The following ZFHX3 variants were observed in gnomAD, a reference collection of about 807,000 sequenced individuals.
ZFHX3 encodes the protein zinc finger homeobox protein 3.
Under a neutral mutation model 279.1 loss-of-function variants are expected in ZFHX3, and 42 were observed. The ratio of observed to expected loss-of-function variants is 0.15; its 90% CI spans 0.12 to 0.19. The LOEUF (loss-of-function observed/expected upper bound fraction) is 0.19. Among genes scored for constraint, ZFHX3 ranks in the 10% least tolerant of loss-of-function variants. The pLI, the probability that ZFHX3 is intolerant of heterozygous loss-of-function variation, is 1.00. For synonymous variants in ZFHX3, 2,293 were observed against 1,957.8 expected (o/e 1.17, Z -4.52); for missense variants, 4,981 against 4,754.0 (o/e 1.05, Z -1.40).
At chr16:73,439,405 T>G (rs186332193) in intron 3 of ZFHX3, among the ~76,000 whole-genome samples, 2 of 152,034 alleles carry the variant, frequency 1.3e-5, no homozygotes, top group African/African-American at 4.8e-5. Flanking sequence ...CATCTTGAGA[T>G]GAAGTGCGCG....
chr16:73,780,110 AATTTTTTTTTTTTT>A, intron 1 of ZFHX3, among the ~76,000 whole-genome samples: 1 of 44,744 alleles, frequency 2.2e-5, no homozygotes, highest in African/African-American at 4.9e-5. Flanking sequence ...ACTGCATTTG[AATTTTTTTTTTTTT>A]TTTTTTTTTT....
At chr16:73,475,297 A>T (rs898197904) in intron 2 of ZFHX3, among the ~76,000 whole-genome samples, 2 of 152,252 alleles carry the variant, frequency 1.3e-5, no homozygotes, top group African/African-American at 4.8e-5. Context: ...AGTTTCAAAA[A>T]TAAAATTCCT....
chr16:72,835,348 G>T lies in ZFHX3; in HGVS notation c.3449-5489C>A, dbSNP rs568606995. 2.8e-4 allele frequency among the ~76,000 whole-genome samples: 43 copies of T among 152,034 alleles called. No individual in the cohort carries two copies. In the South Asian group the frequency reaches 6.7e-3, roughly 24 times the overall value. On this transcript the variant is annotated intron_variant, in intron 4 of 9. Coordinates refer to ENST00000268489, the MANE Select transcript of ZFHX3 (RefSeq NM_006885.4). The stretch of plus-strand genomic sequence containing the variant: ...CTTTCCATTATAATGGAAATATCAG[G>T]CCTGTTCTGAATATGTATAACCCAG...
At chr16:73,557,754 C>T (rs2020309408) in intron 2 of ZFHX3, among the ~76,000 whole-genome samples, 1 of 152,130 alleles carries the variant, frequency 6.6e-6, no homozygotes, top group Admixed American at 6.5e-5. Flanking sequence ...TGCCGACCTC[C>T]TATCTCATCC....
At chr16:73,672,939 A>C (rs1173717026) in intron 2 of ZFHX3, among the ~76,000 whole-genome samples, 3 of 152,280 alleles carry the variant, frequency 2.0e-5, no homozygotes, top group African/African-American at 7.2e-5. Flanking sequence ...ATTTACTCAA[A>C]GGCCTATTAT....
chr16:73,149,230 G>C (rs576890086), intron 5 of ZFHX3, among the ~76,000 whole-genome samples: 1 of 140,256 alleles, frequency 7.1e-6, no homozygotes, highest in South Asian at 2.3e-4. Context: ...TATTCATATT[G>C]TCATTACTAT....
chr16:73,538,083 G>C (rs926908816), intron 2 of ZFHX3, among the ~76,000 whole-genome samples: 1 of 152,164 alleles, frequency 6.6e-6, no homozygotes, highest in African/African-American at 2.4e-5. Context: ...GAATGTCCAA[G>C]TGATCATATA....
chr16:73,510,831 T>C (rs1170348944), intron 2 of ZFHX3, among the ~76,000 whole-genome samples: 2 of 152,204 alleles, frequency 1.3e-5, no homozygotes, highest in Non-Finnish European at 2.9e-5. Context: ...GTCCACACCT[T>C]AGGGTAACAA....
chr16:73,788,653 A>G (rs889677952), intron 1 of ZFHX3, among the ~76,000 whole-genome samples: 1 of 152,062 alleles, frequency 6.6e-6, no homozygotes. Flanking sequence ...AAGAAATCAC[A>G]CAAATCATAA....
intron 5 of ZFHX3, among the ~76,000 whole-genome samples, chr16:73,226,973 C>T (rs1174486559): frequency 2.0e-5 from 3 of 151,974 alleles, no homozygotes; most frequent in East Asian, 1.9e-4. Flanking sequence ...TTGAATTTAC[C>T]GATATTTTAT....
intron 2 of ZFHX3, among the ~76,000 whole-genome samples, chr16:73,461,401 A>C (rs2018467987): frequency 6.6e-6 from 1 of 152,012 alleles, no homozygotes; most frequent in Non-Finnish European, 1.5e-5. Flanking sequence ...AAAGTTTTTA[A>C]ATTTTTTGGA....
intron 3 of ZFHX3, among the ~76,000 whole-genome samples, chr16:73,408,109 G>GTT (rs397718193): frequency 9.9e-4 from 141 of 141,794 alleles, no homozygotes; most frequent in Middle Eastern, 3.6e-3. Context: ...TGTGAAACTT[G>GTT]TTTTTTTTTT....
chr16:73,805,506 G>C (rs1273585863), intron 1 of ZFHX3, among the ~76,000 whole-genome samples: 2 of 152,210 alleles, frequency 1.3e-5, no homozygotes, highest in Middle Eastern at 6.8e-3. Flanking sequence ...TTTCCATCAA[G>C]ACTGCCACCT....
At chr16:73,033,404 G>A (rs962455922) in intron 1 of ZFHX3, among the ~76,000 whole-genome samples, 5 of 152,006 alleles carry the variant, frequency 3.3e-5, no homozygotes, top group Non-Finnish European at 7.4e-5. Context: ...CAGCTCCCCC[G>A]CCGCCCCCCA....
intron 3 of ZFHX3, among the ~76,000 whole-genome samples, chr16:72,939,987 C>T (rs541329877): frequency 6.6e-6 from 1 of 152,140 alleles, no homozygotes; most frequent in Non-Finnish European, 1.5e-5. Context: ...GTTGCCCAGG[C>T]TGGTCTTGAA....
intron 1 of ZFHX3, among the ~76,000 whole-genome samples, chr16:73,709,346 CAG>C (rs59857152): frequency 0.078 from 11,306 of 145,080 alleles, 478 homozygotes; most frequent in African/African-American, 0.12. Context: ...GGCTGTGTGA[CAG>C]AGAGAGAGAG....
chr16:73,364,598 G>A (rs1009637397), intron 3 of ZFHX3, among the ~76,000 whole-genome samples: 4 of 152,102 alleles, frequency 2.6e-5, no homozygotes, highest in Non-Finnish European at 5.9e-5. Context: ...TAGTCTGGCC[G>A]GGGAACCCAG....
At chr16:72,827,494 C>T (rs927982945) in intron 5 of ZFHX3, among the ~76,000 whole-genome samples, 1 of 152,154 alleles carries the variant, frequency 6.6e-6, no homozygotes, top group African/African-American at 2.4e-5. Flanking sequence ...AAATCAAGCA[C>T]CCAAATCGTG....
intron 6 of ZFHX3, among the ~76,000 whole-genome samples, chr16:73,134,086 T>G (rs1966744532): frequency 6.6e-6 from 1 of 152,094 alleles, no homozygotes; most frequent in African/African-American, 2.4e-5. Flanking sequence ...CCCTATGAGG[T>G]AGGTGTGCTT....
Sources: gnomAD v4.1 joint callset for allele counts (sites outside exome capture counted in the v4.1 genomes callset) on GRCh38, gnomAD v4.1.1 for gene constraint, MANE v1.5 for transcripts, NCBI Gene and HGNC (gene_info 2026-07-23, HGNC 2026-07-21) for gene names.